The following EDIL3 variants were observed in gnomAD, a reference collection of about 807,000 sequenced individuals.
EDIL3 encodes the protein EGF like and discoidin domains 3.
A neutral mutation model predicts 67.4 loss-of-function variants in EDIL3; 37 were observed. That is an observed-to-expected ratio of 0.55 (90% CI 0.42 to 0.72). The LOEUF is 0.72. EDIL3 is among the 30% of genes least tolerant of loss of function. The pLI is 0.00. For missense variants in EDIL3, 527 were observed against 586.3 expected, an observed-to-expected ratio of 0.90 and a Z score of 1.04; for synonymous variants, 195 against 196.3, an observed-to-expected ratio of 0.99 and a Z score of 0.05.
At chr5:84,017,018 T>G (rs913502922) in intron 9 of EDIL3, among the ~76,000 whole-genome samples, 1 of 152,224 alleles carries the variant, frequency 6.6e-6, no homozygotes, top group African/African-American at 2.4e-5. Context: ...TTTGCCATCA[T>G]GAGTCTCAGT....
chr5:84,076,013 T>C (rs1026323563), intron 6 of EDIL3, among the ~76,000 whole-genome samples: 1 of 149,976 alleles, frequency 6.7e-6, no homozygotes, highest in Non-Finnish European at 1.5e-5. Context: ...ATTAAAAATA[T>C]ATTAATTCAC....
At chr5:84,338,429 T>C (rs1202128937) in intron 1 of EDIL3, among the ~76,000 whole-genome samples, 4 of 152,184 alleles carry the variant, frequency 2.6e-5, no homozygotes, top group Non-Finnish European at 5.9e-5. Context: ...AGTTGTAGCC[T>C]GAGGTCAAGC....
intron 5 of EDIL3, among the ~76,000 whole-genome samples, chr5:84,114,144 TA>T (rs1200518934): frequency 1.2e-4 from 17 of 146,158 alleles, no homozygotes; most frequent in African/African-American, 4.1e-4. Context: ...AAAGGAACCC[TA>T]AAGTTTTTTT....
chr5:84,300,250 T>C (rs564378255), intron 1 of EDIL3, among the ~76,000 whole-genome samples: 55 of 152,304 alleles, frequency 3.6e-4, no homozygotes, highest in Admixed American at 2.8e-3. Flanking sequence ...TCTCTTTGAC[T>C]ATTCTCCCAT....
chr5:84,003,333 C>T (rs907894567), intron 9 of EDIL3, among the ~76,000 whole-genome samples: 12 of 152,104 alleles, frequency 7.9e-5, no homozygotes, highest in African/African-American at 2.7e-4. Flanking sequence ...GGGCCCTGTC[C>T]CTGCTGCCAC....
chr5:84,229,897 GA>G lies in EDIL3; in HGVS notation c.197-14del. 6.5e-7 allele frequency: 1 copy of G among 1,529,918 alleles called. No homozygotes were observed. The highest frequency in any genetic ancestry group is 1.1e-5 in the South Asian group (1 of 88,418). The allele number at this position is 1,529,918 out of a possible 1,614,324, so 94.8% of individuals were successfully genotyped here. Reference sequence around the variant, plus strand: ...TCTTCATCTGATGCTATGATAAGAGGAAAAGGTGAAATGGGGGTGGGGTAGA... The same window carrying G: ...TCTTCATCTGATGCTATGATAAGAGGAAAGGTGAAATGGGGGTGGGGTAGA... On this transcript the variant is annotated splice_polypyrimidine_tract_variant and intron_variant, in intron 2 of 10. Transcript: ENST00000296591.
intron 1 of EDIL3, among the ~76,000 whole-genome samples, chr5:84,381,285 A>T (rs902589572): frequency 2.0e-4 from 30 of 152,310 alleles, no homozygotes; most frequent in African/African-American, 7.0e-4. Flanking sequence ...AAATATTGCA[A>T]TACTGTCAAA....
At chr5:84,229,708 G>T (rs902422605) in intron 3 of EDIL3, 147 bp downstream of exon 3, 5 of 783,948 alleles carry the variant, frequency 6.4e-6, no homozygotes, top group Non-Finnish European at 1.0e-5. Flanking sequence ...AGCATAGTGA[G>T]CTCAGCAAAT....
chr5:84,291,628 G>C (rs1319071417), intron 1 of EDIL3, among the ~76,000 whole-genome samples: 1 of 148,072 alleles, frequency 6.8e-6, no homozygotes, highest in Non-Finnish European at 1.5e-5. Context: ...TATCATGTAT[G>C]TGTGTGTATA....
intron 1 of EDIL3, among the ~76,000 whole-genome samples, chr5:84,255,859 G>T (rs1202002829): frequency 6.6e-6 from 1 of 152,148 alleles, no homozygotes; most frequent in Non-Finnish European, 1.5e-5. Context: ...ATTTAGCGTG[G>T]CTGGACCATG....
rs1442357023 is a variant in EDIL3 at position 83,942,723 on chromosome 5, A to G, written c.*696T>C. 4 of 152,086 alleles carry G rather than the reference A, an allele frequency of 2.6e-5. No individual in the cohort carries two copies. The highest frequency in any genetic ancestry group is 7.2e-5 in the African/African-American group (3 of 41,450). 9.4% of individuals were successfully genotyped at this position (152,086 alleles called of 1,614,324 possible). On this transcript the variant is annotated 3_prime_UTR_variant, in exon 11 of 11. Coordinates refer to ENST00000296591, the MANE Select transcript of EDIL3 (RefSeq NM_005711.5). ...TCATGTTCTACATATATGAGTAAAC[A>G]TGACACTTCTTTTAGTCAACTAATA...
At chr5:84,354,876 C>T (rs760981353) in intron 1 of EDIL3, among the ~76,000 whole-genome samples, 1 of 151,916 alleles carries the variant, frequency 6.6e-6, no homozygotes, top group Non-Finnish European at 1.5e-5. Context: ...TTTATGTTTG[C>T]TTCATATTTT....
intron 5 of EDIL3, among the ~76,000 whole-genome samples, chr5:84,118,209 A>G (rs1303790852): frequency 6.6e-6 from 1 of 152,158 alleles, no homozygotes; most frequent in Non-Finnish European, 1.5e-5. Flanking sequence ...AAAAAACAAA[A>G]AAAGGAAAGA....
chr5:83,997,191 T>G lies in EDIL3; in HGVS notation c.1138-33831A>C, dbSNP rs188183056. ...AGTTGATAATCAGATAATGCTATAT[T>G]AAGCAGTTGGACTTTCTACAAGGTA... is the stretch of plus-strand genomic sequence containing the variant. On this transcript the variant is annotated intron_variant, in intron 9 of 10. Transcript: ENST00000296591. Among the ~76,000 whole-genome samples the G allele has an allele frequency of 8.5e-5, 13 of 152,296 alleles. No homozygotes were observed. In the East Asian group the frequency reaches 2.3e-3, roughly 27 times the overall value.
chr5:84,345,700 A>C (rs564101074), intron 1 of EDIL3, among the ~76,000 whole-genome samples: 2 of 152,212 alleles, frequency 1.3e-5, no homozygotes, highest in African/African-American at 2.4e-5. Context: ...TGCCAGGAAA[A>C]AGTATATTTA....
intron 9 of EDIL3, among the ~76,000 whole-genome samples, chr5:84,051,896 T>C (rs1746346261): frequency 6.6e-6 from 1 of 152,112 alleles, no homozygotes; most frequent in African/African-American, 2.4e-5. Context: ...CAGGATATCA[T>C]CCAGGAGAAC....
intron 1 of EDIL3, among the ~76,000 whole-genome samples, chr5:84,350,402 T>C (rs1440311930): frequency 3.3e-5 from 5 of 152,056 alleles, no homozygotes; most frequent in African/African-American, 1.2e-4. Flanking sequence ...GTAGTCACTT[T>C]AGATGGGTAT....
At chr5:84,301,927 A>T (rs573635091) in intron 1 of EDIL3, among the ~76,000 whole-genome samples, 2 of 152,296 alleles carry the variant, frequency 1.3e-5, no homozygotes, top group South Asian at 4.1e-4. Flanking sequence ...AGTTTTCATC[A>T]TATTATCAAA....
At chr5:84,319,503 A>C (rs1189830894) in intron 1 of EDIL3, among the ~76,000 whole-genome samples, 31 of 116,918 alleles carry the variant, frequency 2.7e-4, no homozygotes, top group Admixed American at 9.0e-4. Context: ...ACAAAAAAAA[A>C]AAAAAAAAAA....
Sources: allele counts gnomAD v4.1 joint callset (sites outside exome capture counted in the v4.1 genomes callset), GRCh38; gene constraint gnomAD v4.1.1; transcripts MANE v1.5; gene names NCBI Gene and HGNC (gene_info 2026-07-23, HGNC 2026-07-21).